Variants in SUSD3 observed in about 807,000 individuals in gnomAD.
The protein encoded by SUSD3 is sushi domain containing 3, also known as sushi domain-containing protein 3.
Under a neutral mutation model 20.6 loss-of-function variants are expected in SUSD3, and 18 were observed. The observed-to-expected ratio is 0.87, with a 90% CI of 0.60 to 1.30. The LOEUF is 1.30. Ranked by LOEUF, SUSD3 falls within the 50% of genes most tolerant of loss-of-function variation. The pLI is 0.00. For missense variants in SUSD3, 306 were observed against 346.9 expected (o/e 0.88, Z 0.94); for synonymous variants, 137 against 141.5 (o/e 0.97, Z 0.23).
chr9:93,077,138 T>C (rs918705536), intron 2 of SUSD3, among the ~76,000 whole-genome samples: 2 of 152,180 alleles, frequency 1.3e-5, no homozygotes, highest in Admixed American at 6.5e-5. Context: ...TTCCGAGGCC[T>C]TTTTTAGCCA....
intron 2 of SUSD3, 69 bp from the exon 3 acceptor site, chr9:93,077,777 C>A: frequency 6.3e-7 from 1 of 1,585,040 alleles, no homozygotes. Context: ...ACCCCTGAGA[C>A]CCCCAACCCC....
rs554797871 is a variant in SUSD3 at position 93,077,682 on chromosome 9, C to T, written c.278-164C>T. ...TTGCACAGATCTTTGCCTCAGCCCC[C>T]AGCACCTCACTGCCCCCTTACCATG... On this transcript the variant is annotated intron_variant, in intron 2 of 4. Coordinates refer to ENST00000375472, the MANE Select transcript of SUSD3 (RefSeq NM_145006.4). Among the ~76,000 whole-genome samples the T allele has an allele frequency of 3.4e-4, 52 of 152,294 alleles. 1 individual carries two copies. The highest frequency in any genetic ancestry group is 6.8e-3 in the Middle Eastern group (2 of 294).
chr9:93,074,428 A>T, intron 1 of SUSD3, among the ~76,000 whole-genome samples: 1 of 117,392 alleles, frequency 8.5e-6, no homozygotes, highest in African/African-American at 4.2e-5. Context: ...CAAGACTCTG[A>T]CTCAAAAAAA....
Position 93,064,229 on chromosome 9 carries a change from A to G in SUSD3, c.88+5399A>G, listed in dbSNP as rs775110139. On this transcript the variant is annotated intron_variant, in intron 1 of 4. Transcript: ENST00000375472. ...CGCCTAGCTACTTTTTGTATTTTTA[A>G]TAGAGACAGGGTTTCACCATGTTGG... 1.8e-4 allele frequency among the ~76,000 whole-genome samples: 27 copies of G among 152,080 alleles called. 1 individual carries two copies. The highest frequency in any genetic ancestry group is 2.8e-4 in the Non-Finnish European group (19 of 68,008).
At chr9:93,073,962 G>T (rs375882978) in intron 1 of SUSD3, among the ~76,000 whole-genome samples, 1 of 152,184 alleles carries the variant, frequency 6.6e-6, no homozygotes, top group East Asian at 1.9e-4. Context: ...TGCCCAGTTT[G>T]CTCATCTGTC....
rs564289114 is a variant in SUSD3, at chr9:93,077,786, C to T, written c.278-60C>T. Reference sequence around the variant, plus strand: ...CGTACCACCCCTGAGACCCCCAACCCCTGGGCCAAGCAAATCTGGGCAAAC... The same window carrying T: ...CGTACCACCCCTGAGACCCCCAACCTCTGGGCCAAGCAAATCTGGGCAAAC... On this transcript the variant is annotated intron_variant, in intron 2 of 4. Coordinates refer to ENST00000375472, the MANE Select transcript of SUSD3 (RefSeq NM_145006.4). 1.0e-4 allele frequency: 160 copies of T among 1,604,774 alleles called. No homozygotes were observed. In the African/African-American group the frequency reaches 1.8e-3, roughly 18 times the overall value.
At chr9:93,084,193 G>A (rs1826544943) in intron 4 of SUSD3, among the ~76,000 whole-genome samples, 1 of 152,028 alleles carries the variant, frequency 6.6e-6, no homozygotes, top group Non-Finnish European at 1.5e-5. Context: ...GACATCCCAG[G>A]CCCTGGCCAG....
rs1042631717 is a variant in SUSD3 at position 93,079,536 on chromosome 9, G to C, written c.491G>C (p.Gly164Ala). Residue 164 changes from glycine to alanine, a missense_variant, in exon 4 of 5, where the codon GGC becomes GCC. Coordinates refer to ENST00000375472, the MANE Select transcript of SUSD3 (RefSeq NM_145006.4). ...GAGACGGTGCAGGCCGCATACCTTG[G>C]CCTCAAGCACTTCAACAAACCCGTG... ...DLETVQAAYL[G>A]LKHFNKPVSG... is the part of the protein sequence containing the mutation. The C allele has an allele frequency of 2.3e-5, 37 of 1,614,018 alleles. No homozygotes were observed. The East Asian group carries it at 8.2e-4, about 36-fold the overall frequency.
At position 93,058,785 on chromosome 9, in the gene SUSD3, C is replaced by CG; in HGVS notation, c.48dup (p.Arg17AlafsTer18). ...CACCCTCCGTGGCAAGGCGAGGCCC[C>CG]GGGGGCGGGCCGGGGTCACCACGCC... is the stretch of plus-strand genomic sequence containing the variant. On this transcript the variant is annotated frameshift_variant, in exon 1 of 5. Coordinates refer to ENST00000375472, the MANE Select transcript of SUSD3 (RefSeq NM_145006.4). LOFTEE classifies it high-confidence loss of function. The CG allele has an allele frequency of 1.6e-6, 2 of 1,240,512 alleles. No individual in the cohort carries two copies. Among genetic ancestry groups the CG allele is most frequent in the Non-Finnish European group, 2.0e-6 (2 of 992,240 alleles). 76.8% of individuals were successfully genotyped at this position (1,240,512 alleles called of 1,614,324 possible). A position where few individuals can be genotyped will look rare whatever the true frequency, so the allele number is the denominator to read the frequency against.
chr9:93,079,898 A>C (rs777935079), intron 4 of SUSD3, among the ~76,000 whole-genome samples: 2 of 152,198 alleles, frequency 1.3e-5, no homozygotes, highest in Non-Finnish European at 2.9e-5. Flanking sequence ...TACACCCAGC[A>C]GGGCTCTGCA....
In SUSD3 at chr9:93,069,207, C is replaced by G. The variant is rs1825825235; in HGVS notation, c.89-6577C>G. ...GTGATGAAATCTCACCCATCCCGCT[C>G]CACCCCGCCTGGGATTGCTGTCAGT... On this transcript the variant is annotated intron_variant, in intron 1 of 4. Transcript: ENST00000375472. 7.2e-6 allele frequency: 5 copies of G among 695,152 alleles called. No individual in the cohort carries two copies. The Admixed American group carries it at 1.0e-4, about 14-fold the overall frequency. The allele number at this position is 695,152 out of a possible 1,614,324, so 43.1% of individuals were successfully genotyped here. A position where few individuals can be genotyped will look rare whatever the true frequency, so the allele number is the denominator to read the frequency against.
intron 1 of SUSD3, among the ~76,000 whole-genome samples, chr9:93,061,672 T>C (rs956803361): frequency 6.6e-6 from 1 of 152,116 alleles, no homozygotes; most frequent in African/African-American, 2.4e-5. Flanking sequence ...ACATGTAGTG[T>C]TGGGGCCAGG....
intron 4 of SUSD3, among the ~76,000 whole-genome samples, chr9:93,079,902 C>T (rs1826339299): frequency 6.6e-6 from 1 of 152,250 alleles, no homozygotes; most frequent in Non-Finnish European, 1.5e-5. Flanking sequence ...CCCAGCAGGG[C>T]TCTGCACTGA....
chr9:93,066,422 C>G (rs561823429), intron 1 of SUSD3, among the ~76,000 whole-genome samples: 1 of 152,138 alleles, frequency 6.6e-6, no homozygotes, highest in Admixed American at 6.5e-5. Flanking sequence ...TTAGTAGAGA[C>G]AGGTTTTCAC....
intron 2 of SUSD3, among the ~76,000 whole-genome samples, chr9:93,077,223 G>C (rs1826201390): frequency 6.6e-6 from 1 of 152,108 alleles, no homozygotes; most frequent in Non-Finnish European, 1.5e-5. Flanking sequence ...ATAGTATTTT[G>C]GACCTTCCTG....
At chr9:93,071,495 C>G (rs939305507) in intron 1 of SUSD3, among the ~76,000 whole-genome samples, 6 of 152,186 alleles carry the variant, frequency 3.9e-5, no homozygotes, top group Non-Finnish European at 5.9e-5. Flanking sequence ...CGTTCCTCTG[C>G]CTGCTTTTAT....
chr9:93,069,046 CCTT>C (rs1825821133), intron 1 of SUSD3: 2 of 697,708 alleles, frequency 2.9e-6, no homozygotes, highest in African/African-American at 3.5e-5. Context: ...CGGTACTCAC[CCTT>C]CTTGCGATGA....
chr9:93,066,326 C>G (rs1825709313), intron 1 of SUSD3, among the ~76,000 whole-genome samples: 1 of 152,198 alleles, frequency 6.6e-6, no homozygotes, highest in African/African-American at 2.4e-5. Flanking sequence ...CTCCACCTCC[C>G]AGGTTCAAGG....
At chr9:93,060,667 CA>C (rs996754465) in intron 1 of SUSD3, among the ~76,000 whole-genome samples, 1 of 151,360 alleles carries the variant, frequency 6.6e-6, no homozygotes, top group Non-Finnish European at 1.5e-5. Flanking sequence ...CCCGTATCTA[CA>C]AAAAATGCAA....
Sources: allele counts gnomAD v4.1 joint callset (sites outside exome capture counted in the v4.1 genomes callset), GRCh38; gene constraint gnomAD v4.1.1; transcripts MANE v1.5; gene names NCBI Gene and HGNC (gene_info 2026-07-23, HGNC 2026-07-21).